Variants in PDE1C observed in about 807,000 individuals in gnomAD.
PDE1C encodes the protein dual specificity calcium/calmodulin-dependent 3',5'-cyclic nucleotide phosphodiesterase 1C.
In PDE1C, 62 loss-of-function variants were observed where a neutral mutation model predicts 93.1. That is an observed-to-expected ratio of 0.67 (90% confidence interval 0.54 to 0.82). The LOEUF (loss-of-function observed/expected upper bound fraction) is 0.82, where lower values mean the gene tolerates loss of function less well. Ranked by LOEUF, PDE1C falls within the 40% of genes least tolerant of loss-of-function variation. The pLI is 0.00. For missense variants in PDE1C, 742 were observed against 884.6 expected, an observed-to-expected ratio of 0.84 and a Z score of 2.04; for synonymous variants, 325 against 310.1, an observed-to-expected ratio of 1.05 and a Z score of -0.50.
At chr7:32,213,208 C>G (rs1220031585) in intron 1 of PDE1C, among the ~76,000 whole-genome samples, 1 of 152,140 alleles carries the variant, frequency 6.6e-6, no homozygotes, top group African/African-American at 2.4e-5. Context: ...AAACAATTGT[C>G]AGCCCACATT....
At chr7:31,809,223 G>T in intron 15 of PDE1C, 115 bp from the exon 16 acceptor site, 1 of 627,670 alleles carries the variant, frequency 1.6e-6, no homozygotes, top group Non-Finnish European at 2.9e-6. Flanking sequence ...AGTCATAAGA[G>T]TGTATGTGTC....
intron 17 of PDE1C, among the ~76,000 whole-genome samples, chr7:31,765,673 A>G (rs531608615): frequency 1.4e-4 from 22 of 152,324 alleles, no homozygotes; most frequent in Non-Finnish European, 2.1e-4. Context: ...GTAAGTGACA[A>G]CTGCCATCCT....
At chr7:31,962,366 G>T (rs1172987608) in intron 2 of PDE1C, among the ~76,000 whole-genome samples, 4 of 152,218 alleles carry the variant, frequency 2.6e-5, no homozygotes, top group Non-Finnish European at 5.9e-5. Context: ...ACTTGCAACA[G>T]TTAAAAACCA....
intron 2 of PDE1C, among the ~76,000 whole-genome samples, chr7:31,888,848 GA>G (rs1477840159): frequency 6.6e-6 from 1 of 152,040 alleles, no homozygotes; most frequent in Admixed American, 6.6e-5. Flanking sequence ...TTCTAATTAA[GA>G]GGTGAATTTA....
intron 1 of PDE1C, among the ~76,000 whole-genome samples, chr7:32,420,868 G>T (rs1785418404): frequency 6.6e-6 from 1 of 152,086 alleles, no homozygotes; most frequent in Non-Finnish European, 1.5e-5. Flanking sequence ...CTCAATGTGA[G>T]AGTCCGTTTT....
intron 9 of PDE1C, among the ~76,000 whole-genome samples, chr7:31,838,984 T>C (rs1026530579): frequency 1.3e-5 from 2 of 148,648 alleles, no homozygotes; most frequent in Non-Finnish European, 3.0e-5. Context: ...ATTTAGTATA[T>C]ATTTCAAATA....
chr7:32,142,722 C>T (rs1306003611), intron 3 of PDE1C, among the ~76,000 whole-genome samples: 2 of 152,148 alleles, frequency 1.3e-5, no homozygotes, highest in Admixed American at 6.5e-5. Flanking sequence ...CAAAGCCCCA[C>T]TATGGAAGCT....
chr7:32,301,100 A>G (rs1812871305), upstream of PDE1C, among the ~76,000 whole-genome samples: 1 of 152,094 alleles, frequency 6.6e-6, no homozygotes, highest in South Asian at 2.1e-4. Context: ...CATCTCCCAA[A>G]ATGTTGGGAT....
chr7:32,295,664 G>A (rs1030226182), intron 1 of PDE1C, among the ~76,000 whole-genome samples: 18 of 152,128 alleles, frequency 1.2e-4, no homozygotes, highest in Non-Finnish European at 2.5e-4. Context: ...GACCGAGGTG[G>A]GTGGATCATG....
chr7:32,380,147 A>G (rs918143905), intron 1 of PDE1C, among the ~76,000 whole-genome samples: 2 of 152,086 alleles, frequency 1.3e-5, no homozygotes, highest in South Asian at 2.1e-4. Context: ...ACACTGCTCC[A>G]TTTCTCTGTT....
chr7:32,329,183 G>A (rs1783463630), intron 1 of PDE1C, among the ~76,000 whole-genome samples: 1 of 152,196 alleles, frequency 6.6e-6, no homozygotes, highest in Admixed American at 6.5e-5. Flanking sequence ...AGTAAGCTGT[G>A]ATCATGCCAC....
intron 1 of PDE1C, among the ~76,000 whole-genome samples, chr7:32,378,453 G>T (rs562303899): frequency 2.0e-5 from 3 of 152,176 alleles, no homozygotes; most frequent in East Asian, 3.9e-4. Context: ...CACTGCCTTT[G>T]TAAAGCTAAT....
At chr7:32,298,877 T>C (rs558554441) in exon 1 of PDE1C, 2 of 1,373,296 alleles carry the variant, frequency 1.5e-6, no homozygotes, top group East Asian at 3.0e-5. Flanking sequence ...CGCCGCGCGC[T>C]GGCAGCTGAG....
At chr7:32,257,635 A>G (rs1809900965) in intron 1 of PDE1C, among the ~76,000 whole-genome samples, 1 of 152,202 alleles carries the variant, frequency 6.6e-6, no homozygotes, top group Non-Finnish European at 1.5e-5. Context: ...TATTGTTATT[A>G]TTACTACTAC....
intron 2 of PDE1C, among the ~76,000 whole-genome samples, chr7:32,171,190 G>A (rs566023431): frequency 7.9e-5 from 12 of 152,148 alleles, no homozygotes; most frequent in African/African-American, 2.9e-4. Context: ...CTTATCTGTT[G>A]ACCTTACCAT....
At chr7:32,349,082 C>T (rs528372480) in intron 1 of PDE1C, among the ~76,000 whole-genome samples, 1 of 152,350 alleles carries the variant, frequency 6.6e-6, no homozygotes, top group South Asian at 2.1e-4. Flanking sequence ...TTAATTCAAA[C>T]TCATTCTCCA....
intron 1 of PDE1C, among the ~76,000 whole-genome samples, chr7:32,283,572 T>C (rs985256736): frequency 5.9e-5 from 9 of 152,330 alleles, no homozygotes; most frequent in Admixed American, 3.9e-4. Context: ...GCCAGTTCTT[T>C]TTCTCCTTAG....
At chr7:31,875,831 A>ATATATATATATATATAGATG (rs761399274) in intron 5 of PDE1C, among the ~76,000 whole-genome samples, 1 of 90,124 alleles carries the variant, frequency 1.1e-5, no homozygotes, top group African/African-American at 4.1e-5. Context: ...ATATATATAT[A>ATATATATATATATATAGATG]TATAATGGAA....
intron 17 of PDE1C, among the ~76,000 whole-genome samples, chr7:31,771,861 C>T (rs1795506294): frequency 6.6e-6 from 1 of 152,012 alleles, no homozygotes; most frequent in East Asian, 1.9e-4. Context: ...CGAGACCATC[C>T]TGGATAACAT....
Sources: gnomAD v4.1 joint callset for allele counts (sites outside exome capture counted in the v4.1 genomes callset) on GRCh38, gnomAD v4.1.1 for gene constraint, MANE v1.5 for transcripts, NCBI Gene and HGNC (gene_info 2026-07-23, HGNC 2026-07-21) for gene names.